ENPP2: variants seen among roughly 807,000 people sequenced by gnomAD.
ENPP2 encodes ectonucleotide pyrophosphatase/phosphodiesterase 2, also known as autotaxin.
In ENPP2, 51 loss-of-function variants were observed where a neutral mutation model predicts 120.2. The observed-to-expected ratio is 0.42, with a 90% CI of 0.34 to 0.54. ENPP2 has a LOEUF of 0.54. ENPP2 is among the 20% of genes least tolerant of loss of function. The pLI, the probability that ENPP2 is intolerant of heterozygous loss-of-function variation, is 0.04. For synonymous variants in ENPP2, 365 were observed against 366.4 expected, an observed-to-expected ratio of 1.00 and a Z score of 0.04; for missense variants, 920 against 1,066.5, an observed-to-expected ratio of 0.86 and a Z score of 1.91.
intron 1 of ENPP2, among the ~76,000 whole-genome samples, chr8:119,644,730 G>C (rs915394090): frequency 3.4e-5 from 5 of 148,688 alleles, no homozygotes; most frequent in Admixed American, 6.7e-5. Flanking sequence ...TTCATATTGA[G>C]GTTTTAAAAA....
chr8:119,574,385 C>T (rs557383634), intron 19 of ENPP2, among the ~76,000 whole-genome samples: 1 of 151,350 alleles, frequency 6.6e-6, no homozygotes, highest in South Asian at 2.1e-4. Flanking sequence ...GATTTCTTCA[C>T]GTGGATCTAG....
rs879121743 is a variant in ENPP2, at chr8:119,557,754, A to G, written c.2422-63T>C. 16 of 1,398,250 alleles carry G rather than the reference A, an allele frequency of 1.1e-5. No homozygotes were observed. In the South Asian group the frequency reaches 2.1e-4, roughly 18 times the overall value. The allele number at this position is 1,398,250 out of a possible 1,614,324, so 86.6% of individuals were successfully genotyped here. On this transcript the variant is annotated intron_variant, in intron 24 of 24. Transcript: ENST00000075322. Reference sequence around the variant, plus strand: ...TCCAGAGGAGTTTCTCCAAATGGTCAGTTTACTCCAAGTCCACAAATGACC... The same window carrying G: ...TCCAGAGGAGTTTCTCCAAATGGTCGGTTTACTCCAAGTCCACAAATGACC...
chr8:119,561,125 G>T (rs1472462936), intron 24 of ENPP2, among the ~76,000 whole-genome samples: 1 of 151,786 alleles, frequency 6.6e-6, no homozygotes, highest in East Asian at 1.9e-4. Context: ...TAATATTCTG[G>T]CAAAACTTAA....
Position 119,655,644 on chromosome 8 carries a change from C to T in ENPP2, c.22-17117G>A, listed in dbSNP as rs561426564. ...GCTAATAATAGTAGCCACCATATTT[C>T]GAAGAACTAAAATGTCACAGATGTT... On this transcript the variant is annotated intron_variant, in intron 1 of 25. Coordinates refer to the ENPP2 transcript ENST00000427067. 6.6e-5 allele frequency among the ~76,000 whole-genome samples: 10 copies of T among 152,264 alleles called. No homozygotes were observed. In the East Asian group the frequency reaches 1.5e-3, roughly 24 times the overall value.
intron 2 of ENPP2, among the ~76,000 whole-genome samples, chr8:119,634,227 CAT>C (rs1376850086): frequency 4.0e-5 from 6 of 151,622 alleles, no homozygotes; most frequent in African/African-American, 7.3e-5. Flanking sequence ...TACATACATA[CAT>C]ACACACAATG....
intron 19 of ENPP2, 196 bp from the exon 20 acceptor site, chr8:119,571,037 C>A (rs1314846340): frequency 2.3e-5 from 9 of 387,902 alleles, no homozygotes; most frequent in Non-Finnish European, 3.2e-5. Context: ...ATGGGTCAAG[C>A]TTTACAGTTA....
rs1587471613 is a variant in ENPP2, at chr8:119,610,029, G to A, written c.778-2052C>T. On this transcript the variant is annotated intron_variant, in intron 8 of 24. Coordinates refer to ENST00000075322, the MANE Select transcript of ENPP2 (RefSeq NM_001040092.3). ...AAGATCACTGGAAGAGGTCTTTACA[G>A]TGTCAAAAGGAAGGAGCACACAGAG... is the stretch of plus-strand genomic sequence containing the variant. Among the ~76,000 whole-genome samples, 10 of 152,300 alleles carry A rather than the reference G, an allele frequency of 6.6e-5. No homozygotes were observed. In the South Asian group the frequency reaches 2.1e-3, roughly 32 times the overall value.
chr8:119,600,555 A>T (rs1011482428), intron 11 of ENPP2, 123 bp downstream of exon 11: 2 of 625,740 alleles, frequency 3.2e-6, no homozygotes, highest in East Asian at 2.7e-5. Flanking sequence ...TAGTTATTTG[A>T]CTTTGCATAA....
At chr8:119,573,516 A>C (rs1224163452) in intron 19 of ENPP2, among the ~76,000 whole-genome samples, 2 of 151,940 alleles carry the variant, frequency 1.3e-5, no homozygotes, top group African/African-American at 4.8e-5. Context: ...AACTTGCTTC[A>C]GAAATTTGGG....
chr8:119,592,290 T>C (rs1452577777), intron 12 of ENPP2, among the ~76,000 whole-genome samples: 1 of 151,838 alleles, frequency 6.6e-6, no homozygotes, highest in Non-Finnish European at 1.5e-5. Flanking sequence ...CTGGCCAACA[T>C]GGTGAAAGCC....
At chr8:119,618,562 T>A (rs79450640) in intron 5 of ENPP2, 32 of 310,570 alleles carry the variant, frequency 1.0e-4, no homozygotes, top group Non-Finnish European at 5.0e-5. Context: ...TTTTTTTTTT[T>A]AGAGGGGGTC....
At chr8:119,615,124 A>C (rs1038644608) in intron 8 of ENPP2, among the ~76,000 whole-genome samples, 2 of 152,158 alleles carry the variant, frequency 1.3e-5, no homozygotes, top group Non-Finnish European at 2.9e-5. Flanking sequence ...CATAAATTGC[A>C]GCAAAAGATT....
chr8:119,568,133 A>G, intron 22 of ENPP2, 42 bp downstream of exon 22: 1 of 1,029,148 alleles, frequency 9.7e-7, no homozygotes, highest in Non-Finnish European at 1.5e-6. Flanking sequence ...AGAAATGTTT[A>G]TTTTCATAAA....
At chr8:119,661,414 T>C (rs1408024480) in intron 1 of ENPP2, among the ~76,000 whole-genome samples, 1 of 152,124 alleles carries the variant, frequency 6.6e-6, no homozygotes, top group East Asian at 1.9e-4. Flanking sequence ...GGAAAGCTGC[T>C]CAACATCACT....
chr8:119,575,665 C>G lies in ENPP2; in HGVS notation c.1780+4451G>C, dbSNP rs186954692. ...TAGTTGTGGTACTCTGTAACTTAAT[C>G]TCCCAAAGCTTTATATCTCCCTGGA... On this transcript the variant is annotated intron_variant, in intron 19 of 24. Coordinates refer to ENST00000075322, the MANE Select transcript of ENPP2 (RefSeq NM_001040092.3). 2.0e-4 allele frequency among the ~76,000 whole-genome samples: 31 copies of G among 152,254 alleles called. No individual in the cohort carries two copies. In the East Asian group the frequency reaches 5.0e-3, roughly 25 times the overall value.
chr8:119,558,170 C>T lies in ENPP2; in HGVS notation c.2422-479G>A, dbSNP rs192493957. ...CCTAGTTTTTCAAAAGAAACTGCTG[C>T]ATCAACCACGTCATCTACTAGAATG... is the stretch of plus-strand genomic sequence containing the variant. On this transcript the variant is annotated intron_variant, in intron 24 of 24. Transcript: ENST00000075322. Among the ~76,000 whole-genome samples, 123 of 152,286 alleles carry T rather than the reference C, an allele frequency of 8.1e-4. 1 individual carries two copies. The highest frequency in any genetic ancestry group is 6.6e-3 in the Admixed American group (101 of 15,306).
chr8:119,586,519 C>G (rs1813122225), intron 14 of ENPP2, among the ~76,000 whole-genome samples: 2 of 152,116 alleles, frequency 1.3e-5, no homozygotes, highest in Admixed American at 1.3e-4. Flanking sequence ...ATATGACAGG[C>G]TATCTGAGGA....
rs199518862 is a variant in ENPP2, at chr8:119,619,321, G to T, written c.419-17C>A. 3.2e-6 allele frequency: 5 copies of T among 1,574,540 alleles called. No individual in the cohort carries two copies. Among genetic ancestry groups the T allele is most frequent in the Non-Finnish European group, 4.4e-6 (5 of 1,144,892 alleles). ...GCGACTCTCCTATAAGGAAAAATGG[G>T]TAAATGTATTGTTGAATCTAATTAC... On this transcript the variant is annotated splice_polypyrimidine_tract_variant and intron_variant, in intron 4 of 24. Transcript: ENST00000075322.
chr8:119,560,518 T>A (rs1813847267), intron 24 of ENPP2, among the ~76,000 whole-genome samples: 1 of 152,162 alleles, frequency 6.6e-6, no homozygotes, highest in Non-Finnish European at 1.5e-5. Flanking sequence ...TCCTTTTAGA[T>A]CTCCAAGACC....
Sources: gnomAD v4.1 joint callset for allele counts (sites outside exome capture counted in the v4.1 genomes callset) on GRCh38, gnomAD v4.1.1 for gene constraint, MANE v1.5 for transcripts, NCBI Gene and HGNC (gene_info 2026-07-23, HGNC 2026-07-21) for gene names.